The following UMAD1 variants were observed in gnomAD, a reference collection of about 807,000 sequenced individuals.
The protein encoded by UMAD1 is UBAP1-MVB12-associated (UMA) domain containing 1, also known as UBAP1-MVB12-associated (UMA)-domain containing protein 1.
In UMAD1, 8 loss-of-function variants were observed where a neutral mutation model predicts 6.1. The ratio of observed to expected loss-of-function variants is 1.30; its 90% CI spans 0.76 to 2.35. The LOEUF (loss-of-function observed/expected upper bound fraction) is 2.35, where lower values mean the gene tolerates loss of function less well. Ranked by LOEUF, UMAD1 falls within the 30% of genes most tolerant of loss-of-function variation. UMAD1 has a pLI of 0.00. For synonymous variants in UMAD1, 56 were observed against 31.4 expected (o/e 1.78, Z -2.61); for missense variants, 130 against 78.4 (o/e 1.66, Z -2.49).
Position 7,830,201 on chromosome 7 carries a change from G to A in UMAD1, c.156+28458G>A, listed in dbSNP as rs549462064. Among the ~76,000 whole-genome samples the A allele has an allele frequency of 6.6e-6, 1 of 152,276 alleles. No individual in the cohort carries two copies. The highest frequency in any genetic ancestry group is 1.9e-4 in the East Asian group (1 of 5,178). On this transcript the variant is annotated intron_variant, in intron 3 of 3. Coordinates refer to ENST00000682710, the MANE Select transcript of UMAD1 (RefSeq NM_001302348.2). This position sits in a 1 kb window ranked among gnomAD's most constrained non-coding sequence, Gnocchi z 5.3. ...CCCCTGCTAGGACTGTGTCTACCTTGTACGTTGTGCTGGAATCAACTTGCC... is the reference window on the plus strand; with the variant it reads ...CCCCTGCTAGGACTGTGTCTACCTTATACGTTGTGCTGGAATCAACTTGCC...
chr7:7,852,105 C>T (rs1040693761), intron 3 of UMAD1, among the ~76,000 whole-genome samples: 2 of 152,194 alleles, frequency 1.3e-5, no homozygotes, highest in East Asian at 3.9e-4. Flanking sequence ...CCAGTTGTCC[C>T]AGCAATATTT....
chr7:7,731,493 A>ACCCC (rs1563162353), intron 2 of UMAD1, among the ~76,000 whole-genome samples: 5 of 125,110 alleles, frequency 4.0e-5, no homozygotes, highest in African/African-American at 1.3e-4. Context: ...CCCCCCCCCA[A>ACCCC]AAAAAAAACA....
chr7:7,827,534 G>A (rs977210848), intron 3 of UMAD1, among the ~76,000 whole-genome samples: 7 of 152,044 alleles, frequency 4.6e-5, no homozygotes, highest in African/African-American at 7.2e-5. Flanking sequence ...TATATTTGAA[G>A]AGGAAATTTT....
intron 2 of UMAD1, among the ~76,000 whole-genome samples, chr7:7,783,510 G>A (rs926282912): frequency 6.6e-6 from 1 of 152,026 alleles, no homozygotes; most frequent in Non-Finnish European, 1.5e-5. Flanking sequence ...TCAGGACACT[G>A]TATTCAGATT....
At chr7:7,656,301 T>G (rs776560999) in intron 1 of UMAD1, among the ~76,000 whole-genome samples, 5 of 152,174 alleles carry the variant, frequency 3.3e-5, no homozygotes, top group Non-Finnish European at 7.3e-5. Flanking sequence ...AACTTGTTCA[T>G]GTATTTAAAA....
At chr7:7,765,847 G>A (rs954866535) in intron 2 of UMAD1, among the ~76,000 whole-genome samples, 1 of 152,124 alleles carries the variant, frequency 6.6e-6, no homozygotes, top group Non-Finnish European at 1.5e-5. Context: ...TTTATAAATA[G>A]AATGTTCTAC....
chr7:7,820,947 A>G (rs1306595770), intron 3 of UMAD1, among the ~76,000 whole-genome samples: 1 of 152,214 alleles, frequency 6.6e-6, no homozygotes, highest in Non-Finnish European at 1.5e-5. Context: ...AGTTTGTTGC[A>G]GAATCTGAAA....
intron 1 of UMAD1, among the ~76,000 whole-genome samples, chr7:7,649,224 T>G (rs1251984330): frequency 6.6e-6 from 1 of 151,666 alleles, no homozygotes; most frequent in Non-Finnish European, 1.5e-5. Context: ...GTCTTATAGT[T>G]CTAGAGGCTT....
chr7:7,824,057 A>G (rs1233357141), intron 3 of UMAD1, among the ~76,000 whole-genome samples: 1 of 152,044 alleles, frequency 6.6e-6, no homozygotes, highest in Non-Finnish European at 1.5e-5. Context: ...AAACATTACC[A>G]TCAGCTGAAT....
At chr7:7,842,527 A>G (rs1420063212) in intron 3 of UMAD1, among the ~76,000 whole-genome samples, 1 of 152,124 alleles carries the variant, frequency 6.6e-6, no homozygotes, top group Non-Finnish European at 1.5e-5. Context: ...GGTCTAAAAG[A>G]GAAATATTAC....
chr7:7,779,253 A>T (rs11978293), intron 2 of UMAD1, among the ~76,000 whole-genome samples: 1 of 151,816 alleles, frequency 6.6e-6, no homozygotes, highest in Non-Finnish European at 1.5e-5. Flanking sequence ...TCATGAAAAC[A>T]TAAAAATTGA....
chr7:7,752,511 A>G (rs564512792), intron 2 of UMAD1, among the ~76,000 whole-genome samples: 24 of 152,236 alleles, frequency 1.6e-4, no homozygotes, highest in Non-Finnish European at 3.1e-4. Flanking sequence ...TGCAACTCAT[A>G]AAAGAAAAAA....
At position 7,725,399 on chromosome 7, in the gene UMAD1, G is replaced by A. The variant is rs116117051; in HGVS notation, c.82+51946G>A. ...CAGATCCAATTGTGCTTAATGTATCGGTGGCAGATAGGGATGCTATTTGGA... is the reference window on the plus strand; with the variant it reads ...CAGATCCAATTGTGCTTAATGTATCAGTGGCAGATAGGGATGCTATTTGGA... On this transcript the variant is annotated intron_variant, in intron 2 of 3. Coordinates refer to ENST00000682710, the MANE Select transcript of UMAD1 (RefSeq NM_001302348.2). Among the ~76,000 whole-genome samples the A allele has an allele frequency of 2.0e-3, 305 of 152,260 alleles. 2 individuals carry two copies. The highest frequency in any genetic ancestry group is 7.2e-3 in the African/African-American group (298 of 41,554).
At chr7:7,813,990 A>ATT (rs61611510) in intron 3 of UMAD1, among the ~76,000 whole-genome samples, 49 of 148,132 alleles carry the variant, frequency 3.3e-4, no homozygotes, top group South Asian at 2.1e-3. Flanking sequence ...CTTTTTATTT[A>ATT]TTTTTTTTTT....
intron 3 of UMAD1, among the ~76,000 whole-genome samples, chr7:7,819,662 A>G (rs1182474709): frequency 2.0e-5 from 3 of 152,274 alleles, no homozygotes; most frequent in Non-Finnish European, 4.4e-5. Context: ...TTGCTCTGAA[A>G]GAAAAATGGG....
chr7:7,794,483 G>A (rs1563211480), intron 2 of UMAD1, among the ~76,000 whole-genome samples: 1 of 152,088 alleles, frequency 6.6e-6, no homozygotes, highest in Non-Finnish European at 1.5e-5. Context: ...CAGACTGAAC[G>A]GACCCCCTCT....
intron 2 of UMAD1, among the ~76,000 whole-genome samples, chr7:7,709,298 A>G (rs746372462): frequency 2.6e-5 from 4 of 152,228 alleles, no homozygotes; most frequent in Non-Finnish European, 4.4e-5. Flanking sequence ...TTCTTTGTAA[A>G]TATGAACATT....
chr7:7,843,027 A>G (rs1783712751), intron 3 of UMAD1, among the ~76,000 whole-genome samples: 1 of 152,214 alleles, frequency 6.6e-6, no homozygotes. Flanking sequence ...TCTTTTTGAG[A>G]TGGTTCATCC....
chr7:7,784,545 C>G (rs373481747), intron 2 of UMAD1, among the ~76,000 whole-genome samples: 4 of 150,156 alleles, frequency 2.7e-5, no homozygotes, highest in East Asian at 3.9e-4. Flanking sequence ...TGAGGTTTCA[C>G]TGTGTTAGCC....
Sources: gnomAD v4.1 joint callset for allele counts (sites outside exome capture counted in the v4.1 genomes callset) on GRCh38, gnomAD v4.1.1 for gene constraint, Gnocchi (gnomAD v3.1) non-coding constraint, MANE v1.5 for transcripts, NCBI Gene and HGNC (gene_info 2026-07-23, HGNC 2026-07-21) for gene names.